The following GALNT9 variants were observed in gnomAD, a reference collection of about 807,000 sequenced individuals.
GALNT9 encodes GalNAc transferase 9.
GALNT9 carries 47 observed loss-of-function variants against 63.1 expected under a neutral mutation model. The observed-to-expected ratio is 0.75, with a 90% confidence interval of 0.59 to 0.95. GALNT9 has a LOEUF of 0.95. GALNT9 is among the 40% of genes least tolerant of loss of function. The pLI, the probability that GALNT9 is intolerant of heterozygous loss-of-function variation, is 0.00. For missense variants in GALNT9, 829 were observed against 874.8 expected (o/e 0.95, Z 0.66); for synonymous variants, 396 against 365.7 (o/e 1.08, Z -0.94).
intron 7 of GALNT9, among the ~76,000 whole-genome samples, chr12:132,202,079 T>C (rs10794458): frequency 0.59 from 89,188 of 152,160 alleles, 26,374 homozygotes; most frequent in Non-Finnish European, 0.6. Context: ...CAGTCCCCTA[T>C]CTTCTCTGTG....
At chr12:132,264,164 C>T (rs782554286) in intron 2 of GALNT9, among the ~76,000 whole-genome samples, 6 of 152,206 alleles carry the variant, frequency 3.9e-5, no homozygotes, top group Admixed American at 2.0e-4. Flanking sequence ...TGGATCTCAG[C>T]GGCCACTCGC....
intron 6 of GALNT9, among the ~76,000 whole-genome samples, chr12:132,244,264 G>C (rs1252434007): frequency 1.5e-5 from 1 of 65,146 alleles, no homozygotes; most frequent in Non-Finnish European, 2.9e-5. Context: ...CTAGACGGGG[G>C]ATGTGGTGAT....
intron 6 of GALNT9, chr12:132,240,629 T>C (rs2136898958): frequency 4.4e-6 from 2 of 452,750 alleles, no homozygotes; most frequent in East Asian, 7.1e-5. Context: ...GGCTGTGCTC[T>C]ATGGGCCTCG....
At chr12:132,240,370 A>G (rs1878204863) in intron 6 of GALNT9, 1 of 351,514 alleles carries the variant, frequency 2.8e-6, no homozygotes, top group African/African-American at 2.1e-5. Context: ...TGTACACCCC[A>G]TGCTGGCCAG....
At chr12:132,284,323 C>G (rs1880503454) in intron 2 of GALNT9, 1 of 152,384 alleles carries the variant, frequency 6.6e-6, no homozygotes, top group Non-Finnish European at 1.5e-5. Flanking sequence ...CACACACACA[C>G]ACACCGTGCA....
chr12:132,302,229 TACACAC>T (rs56317485), intron 1 of GALNT9, among the ~76,000 whole-genome samples: 3,484 of 143,802 alleles, frequency 0.024, 61 homozygotes, highest in African/African-American at 0.029. Context: ...TAGAAAATTC[TACACAC>T]ACACACACAC....
chr12:132,215,841 C>T (rs934942682), intron 6 of GALNT9, among the ~76,000 whole-genome samples: 28 of 152,018 alleles, frequency 1.8e-4, no homozygotes, highest in African/African-American at 6.3e-4. Context: ...CTGGCCCTCC[C>T]TGACTCACAG....
rs925803902 is a variant in GALNT9, at chr12:132,310,930, G to A, written c.238+18036C>T. On this transcript the variant is annotated intron_variant, in intron 1 of 10. Transcript: ENST00000328957. The surrounding 1 kb of genome is among the most constrained non-coding windows in gnomAD (Gnocchi z 4.8). ...GGGCACCCACTCTCCCTGGGCACAC[G>A]GTTCAGGGCACCCGCTCTCCCTGGG... is the stretch of plus-strand genomic sequence containing the variant. Among the ~76,000 whole-genome samples, 6 of 152,078 alleles carry A rather than the reference G, an allele frequency of 3.9e-5. No individual in the cohort carries two copies. Among genetic ancestry groups the A allele is most frequent in the African/African-American group, 1.2e-4 (5 of 41,414 alleles).
intron 2 of GALNT9, chr12:132,283,981 G>A (rs1880470693): frequency 6.6e-6 from 1 of 152,146 alleles, no homozygotes; most frequent in Admixed American, 6.6e-5. Flanking sequence ...GCCAAGAACG[G>A]TGCTCACTCC....
chr12:132,314,041 C>A (rs1868393589), intron 1 of GALNT9, among the ~76,000 whole-genome samples: 1 of 75,102 alleles, frequency 1.3e-5, no homozygotes, highest in Admixed American at 1.4e-4. Flanking sequence ...ACTCACCCAC[C>A]CATCCACACA....
At chr12:132,240,991 C>G (rs1555237005) in intron 6 of GALNT9, among the ~76,000 whole-genome samples, 1 of 140,458 alleles carries the variant, frequency 7.1e-6, no homozygotes, top group African/African-American at 2.8e-5. Context: ...CGCCACACCC[C>G]CTTCCCGGGG....
Position 132,197,204 on chromosome 12 carries a change from A to T in GALNT9, c.1715T>A (p.Met572Lys), listed in dbSNP as rs751172933. The T allele has an allele frequency of 1.2e-6, 2 of 1,613,980 alleles. No homozygotes were observed. Among genetic ancestry groups the T allele is most frequent in the African/African-American group, 1.3e-5 (1 of 75,050 alleles). Residue 572 changes from methionine to lysine, a missense_variant, in exon 11 of 11, where the codon ATG becomes AAG. Coordinates refer to ENST00000328957, the MANE Select transcript of GALNT9 (RefSeq NM_001122636.2). ...GAGCCCAAAGTTGGCATCTTTGGAC[A>T]TCTCCACCTCCAGGCAGCGGCCCGT... The part of the protein sequence containing the change: ...RATGRCLEVE[M>K]SKDANFGLRL...
In GALNT9 at chr12:132,286,552, C is replaced by T. The variant is rs1277256947; in HGVS notation, c.239-122G>A. ...TCCCCCGGTACAAGCCCAGCAAACT[C>T]CCTGCAGATGGCAGGCTGCCAGCTC... On this transcript the variant is annotated intron_variant, in intron 1 of 10. Transcript: ENST00000328957. This position sits in a 1 kb window ranked among gnomAD's most constrained non-coding sequence, Gnocchi z 7.4. 2 of 1,396,252 alleles carry T rather than the reference C, an allele frequency of 1.4e-6. No homozygotes were observed. Among genetic ancestry groups the T allele is most frequent in the Non-Finnish European group, 1.9e-6 (2 of 1,062,904 alleles). The allele number at this position is 1,396,252 out of a possible 1,614,324, so 86.5% of individuals were successfully genotyped here.
chr12:132,214,144 C>T (rs11829575), intron 6 of GALNT9, among the ~76,000 whole-genome samples: 2,180 of 152,258 alleles, frequency 0.014, 45 homozygotes, highest in African/African-American at 0.049. Context: ...AAGAGAGAGC[C>T]GATTCCGGGG....
At chr12:132,264,343 C>T (rs916762309) in intron 2 of GALNT9, among the ~76,000 whole-genome samples, 5 of 152,216 alleles carry the variant, frequency 3.3e-5, no homozygotes, top group South Asian at 4.1e-4. Context: ...CTCTGCTCTC[C>T]GCTCAGCAGC....
At chr12:132,318,794 G>A (rs556363316) in intron 1 of GALNT9, among the ~76,000 whole-genome samples, 1 of 152,324 alleles carries the variant, frequency 6.6e-6, no homozygotes, top group African/African-American at 2.4e-5. Context: ...GTGGGAGCAG[G>A]TCCAGCCCTG....
chr12:132,285,080 G>C (rs1161769373), intron 2 of GALNT9, among the ~76,000 whole-genome samples: 1 of 152,222 alleles, frequency 6.6e-6, no homozygotes, highest in Non-Finnish European at 1.5e-5. Context: ...CCTGGCCCAA[G>C]AATCCCGGTG....
chr12:132,254,258 C>G (rs1879032602), intron 5 of GALNT9, among the ~76,000 whole-genome samples: 2 of 152,194 alleles, frequency 1.3e-5, no homozygotes, highest in Non-Finnish European at 2.9e-5. Context: ...ATCCACCCGC[C>G]TCGGCCTCCC....
chr12:132,325,148 G>A (rs1057281277), intron 1 of GALNT9, among the ~76,000 whole-genome samples: 1 of 152,240 alleles, frequency 6.6e-6, no homozygotes, highest in Non-Finnish European at 1.5e-5. Context: ...AGGCCTTGGT[G>A]GGGTGACGCC....
Sources: allele counts gnomAD v4.1 joint callset (sites outside exome capture counted in the v4.1 genomes callset), GRCh38; gene constraint gnomAD v4.1.1; non-coding constraint Gnocchi (gnomAD v3.1); transcripts MANE v1.5; gene names NCBI Gene and HGNC (gene_info 2026-07-23, HGNC 2026-07-21).